The following PIGB variants were observed in gnomAD, a reference collection of about 807,000 sequenced individuals.
PIGB encodes phosphatidylinositol glycan anchor biosynthesis class B.
PIGB carries 58 observed loss-of-function variants against 68.4 expected under a neutral mutation model. The ratio of observed to expected loss-of-function variants is 0.85; its 90% CI spans 0.69 to 1.06. The LOEUF (loss-of-function observed/expected upper bound fraction) is 1.06, where lower values mean the gene tolerates loss of function less well. Ranked by LOEUF, PIGB falls within the 50% of genes least tolerant of loss-of-function variation. The probability of loss-of-function intolerance (pLI) is 0.00; values close to 1 mark genes in which losing one functional copy is unlikely to be tolerated. For synonymous variants in PIGB, 219 were observed against 220.5 expected, an observed-to-expected ratio of 0.99 and a Z score of 0.06; for missense variants, 634 against 655.8, an observed-to-expected ratio of 0.97 and a Z score of 0.36.
chr15:55,341,415 A>G (rs2055668007), intron 8 of PIGB, among the ~76,000 whole-genome samples: 1 of 152,168 alleles, frequency 6.6e-6, no homozygotes, highest in Non-Finnish European at 1.5e-5. Context: ...CCACAGAAAT[A>G]CATTCTAAAA....
chr15:55,333,941 T>G lies in PIGB; in HGVS notation c.728T>G (p.Leu243Arg). ...GCTGTCATTCTGTGGACACCTTTGCTCTTCAGACATTTCTGTCAAGAACCA... is the reference window on the plus strand; with the variant it reads ...GCTGTCATTCTGTGGACACCTTTGCGCTTCAGACATTTCTGTCAAGAACCA... ...PTAVILWTPL[L>R]FRHFCQEPRK... The change falls in exon 6 of 12, where the codon CTC becomes CGC. Residue 243 changes from leucine to arginine, a missense_variant. Coordinates refer to ENST00000164305, the MANE Select transcript of PIGB (RefSeq NM_004855.5). 1 of 1,609,936 alleles carries G rather than the reference T, an allele frequency of 6.2e-7. No homozygotes were observed. Among genetic ancestry groups the G allele is most frequent in the Non-Finnish European group, 8.5e-7 (1 of 1,178,190 alleles).
chr15:55,347,877 T>G (rs749564388), intron 9 of PIGB, among the ~76,000 whole-genome samples: 5 of 152,096 alleles, frequency 3.3e-5, no homozygotes, highest in Non-Finnish European at 7.4e-5. Context: ...ACAAGCATGT[T>G]ATCTTCCAGC....
At chr15:55,343,224 T>C (rs915503490) in intron 9 of PIGB, 1 of 152,196 alleles carries the variant, frequency 6.6e-6, no homozygotes, top group Non-Finnish European at 1.5e-5. Flanking sequence ...CTTTACAGTG[T>C]AACCACATAC....
chr15:55,335,297 G>C (rs1451159067), intron 6 of PIGB, among the ~76,000 whole-genome samples: 1 of 152,070 alleles, frequency 6.6e-6, no homozygotes, highest in Admixed American at 6.6e-5. Context: ...GTATTTTTCG[G>C]GTAGCAATCT....
chr15:55,353,998 T>TAAAAAAAAAAAAA (rs1555405990), intron 10 of PIGB, among the ~76,000 whole-genome samples: 1 of 112,032 alleles, frequency 8.9e-6, no homozygotes, highest in African/African-American at 4.2e-5. Context: ...TCATCTTAAA[T>TAAAAAAAAAAAAA]AAAAAAAAAA....
intron 9 of PIGB, among the ~76,000 whole-genome samples, chr15:55,348,680 G>C (rs1008209455): frequency 1.4e-4 from 21 of 152,170 alleles, no homozygotes; most frequent in Non-Finnish European, 2.6e-4. Flanking sequence ...TCTGCCATGA[G>C]TGGAAGCAGC....
intron 9 of PIGB, among the ~76,000 whole-genome samples, chr15:55,344,165 T>G (rs2055737251): frequency 6.6e-6 from 1 of 152,224 alleles, no homozygotes; most frequent in African/African-American, 2.4e-5. Flanking sequence ...AAAACTCCAT[T>G]TATTATAATT....
intron 2 of PIGB, 45 bp downstream of exon 2, chr15:55,320,455 C>T (rs774435097): frequency 6.3e-7 from 1 of 1,577,938 alleles, no homozygotes; most frequent in South Asian, 1.1e-5. Context: ...GTGTATTCAT[C>T]TTGGAAATTG....
intron 10 of PIGB, among the ~76,000 whole-genome samples, 198 bp downstream of exon 10, chr15:55,351,110 CT>C (rs374683561): frequency 1.1e-3 from 154 of 135,670 alleles, no homozygotes; most frequent in African/African-American, 1.2e-3. Flanking sequence ...AACTTTTTTT[CT>C]TTTTTTTTTT....
chr15:55,353,976 TCTA>T (rs2055996356), intron 10 of PIGB, among the ~76,000 whole-genome samples: 2 of 145,950 alleles, frequency 1.4e-5, no homozygotes, highest in African/African-American at 2.8e-5. Flanking sequence ...TATGTTGCTC[TCTA>T]CTTCTCAATC....
intron 1 of PIGB, chr15:55,319,966 CAT>C (rs2055124830): frequency 4.5e-6 from 1 of 223,134 alleles, no homozygotes; most frequent in East Asian, 1.0e-4. Flanking sequence ...TAGATACACA[CAT>C]AGTATGACCT....
intron 10 of PIGB, among the ~76,000 whole-genome samples, chr15:55,352,643 G>C (rs368633909): frequency 3.9e-5 from 6 of 152,132 alleles, no homozygotes; most frequent in Non-Finnish European, 8.8e-5. Flanking sequence ...AAAAAAATTG[G>C]CCAGGTGTTG....
intron 9 of PIGB, among the ~76,000 whole-genome samples, chr15:55,342,128 AACAG>A (rs540782315): frequency 6.6e-6 from 1 of 152,170 alleles, no homozygotes; most frequent in Non-Finnish European, 1.5e-5. Context: ...TCTCTCAAAA[AACAG>A]ACAAACAAAA....
chr15:55,352,182 AG>A (rs1161028521), intron 10 of PIGB, among the ~76,000 whole-genome samples: 1 of 151,944 alleles, frequency 6.6e-6, no homozygotes, highest in African/African-American at 2.4e-5. Context: ...TCCCGACCTC[AG>A]GTGATCCGCC....
intron 9 of PIGB, chr15:55,343,053 G>A (rs2055707881): frequency 6.6e-6 from 1 of 152,050 alleles, no homozygotes; most frequent in Admixed American, 6.6e-5. Flanking sequence ...AAAACATTGA[G>A]TTAGGCAATG....
At chr15:55,319,683 C>A in intron 1 of PIGB, 1 of 287,948 alleles carries the variant, frequency 3.5e-6, no homozygotes, top group Admixed American at 5.0e-5. Flanking sequence ...CACACAGACC[C>A]GGGTTTGAAT....
chr15:55,333,935 C>T lies in PIGB; in HGVS notation c.722C>T (p.Pro241Leu), dbSNP rs749318685. Residue 241 changes from proline to leucine, a missense_variant, in exon 6 of 12, where the codon CCT (proline) becomes CTT (leucine). Pro to Leu is a moderately conservative substitution (Grantham distance 98, BLOSUM62 -3). Coordinates refer to ENST00000164305, the MANE Select transcript of PIGB (RefSeq NM_004855.5). ...CCCACAGCTGTCATTCTGTGGACAC[C>T]TTTGCTCTTCAGACATTTCTGTCAA... ...IRPTAVILWT[P>L]LLFRHFCQEP... 1 of 1,609,446 alleles carries T rather than the reference C, an allele frequency of 6.2e-7. No homozygotes were observed. The highest frequency in any genetic ancestry group is 1.7e-5 in the Admixed American group (1 of 59,258).
At chr15:55,337,669 C>G (rs2055568410) in intron 6 of PIGB, among the ~76,000 whole-genome samples, 1 of 152,130 alleles carries the variant, frequency 6.6e-6, no homozygotes, top group Non-Finnish European at 1.5e-5. Flanking sequence ...CCCACCAATT[C>G]CAATCCTAGG....
chr15:55,319,250 G>C lies in PIGB; in HGVS notation c.-1G>C, dbSNP rs1171377380. 6.2e-7 allele frequency: 1 copy of C among 1,604,680 alleles called. No individual in the cohort carries two copies. The highest frequency in any genetic ancestry group is 8.5e-7 in the Non-Finnish European group (1 of 1,176,216). On this transcript the variant is annotated 5_prime_UTR_variant, in exon 1 of 12. Coordinates refer to ENST00000164305, the MANE Select transcript of PIGB (RefSeq NM_004855.5). ...CCGCCTTAGGAAGGTGGCGGCCAGG[G>C]ATGAGGAGGCCCCTAAGCAAGTGCG... is the stretch of plus-strand genomic sequence containing the variant.
Sources: gnomAD v4.1 joint callset for allele counts (sites outside exome capture counted in the v4.1 genomes callset) on GRCh38, gnomAD v4.1.1 for gene constraint, MANE v1.5 for transcripts, NCBI Gene and HGNC (gene_info 2026-07-23, HGNC 2026-07-21) for gene names.